The following LOC400499 variants were observed in gnomAD, a reference collection of about 807,000 sequenced individuals.
At chr16:11,504,556 C>CT in the LOC400499 span, among the ~76,000 whole-genome samples, 2 of 150,424 alleles carry the variant, frequency 1.3e-5, no homozygotes, top group African/African-American at 2.5e-5. Flanking sequence ...ACTCCGTCCC[C>CT]CCCCCCAAAA....
the LOC400499 span, among the ~76,000 whole-genome samples, chr16:11,498,497 T>TTAAG: frequency 5.4e-5 from 1 of 18,620 alleles, no homozygotes; most frequent in Non-Finnish European, 1.3e-4. Context: ...ATAATAATGA[T>TTAAG]TAAATAATTA....
the LOC400499 span, chr16:11,411,181 C>T: frequency 5.0e-6 from 2 of 399,010 alleles, no homozygotes; most frequent in Non-Finnish European, 8.8e-6. Context: ...AGGGGCCTGG[C>T]CCCCTCCTGC....
the LOC400499 span, chr16:11,472,471 G>A: frequency 6.6e-6 from 1 of 152,140 alleles, no homozygotes; most frequent in Non-Finnish European, 1.5e-5. Context: ...GTGATTACAG[G>A]CGTGAGCTAC....
chr16:11,510,442 C>G, the LOC400499 span, among the ~76,000 whole-genome samples: 3 of 151,796 alleles, frequency 2.0e-5, no homozygotes, highest in African/African-American at 7.3e-5. Context: ...TGCATCTTCC[C>G]AAAGCTGACC....
the LOC400499 span, among the ~76,000 whole-genome samples, chr16:11,481,817 T>C: frequency 0.02 from 3,005 of 152,028 alleles, 95 homozygotes; most frequent in African/African-American, 0.069. Flanking sequence ...GTGTCTTTAG[T>C]AGAGACAGGG....
chr16:11,392,658 C>T, the LOC400499 span: 1 of 496,546 alleles, frequency 2.0e-6, no homozygotes, highest in African/African-American at 2.1e-5. Context: ...ACCACCTGAG[C>T]CACCTGAAGC....
At chr16:11,379,867 A>G in the LOC400499 span, among the ~76,000 whole-genome samples, 1 of 152,256 alleles carries the variant, frequency 6.6e-6, no homozygotes, top group African/African-American at 2.4e-5. Context: ...TCCTGAAGTT[A>G]GAGCAATCCA....
chr16:11,503,239 A>G, the LOC400499 span, among the ~76,000 whole-genome samples: 1 of 152,130 alleles, frequency 6.6e-6, no homozygotes, highest in East Asian at 1.9e-4. Flanking sequence ...TAATAAAAAA[A>G]TTGTTTTATA....
chr16:11,422,530 C>G, the LOC400499 span, among the ~76,000 whole-genome samples: 2 of 150,556 alleles, frequency 1.3e-5, no homozygotes, highest in Admixed American at 1.3e-4. Flanking sequence ...CGATCACTGC[C>G]TGAGCATGCA....
At chr16:11,478,211 A>G in the LOC400499 span, among the ~76,000 whole-genome samples, 1 of 149,774 alleles carries the variant, frequency 6.7e-6, no homozygotes, top group Non-Finnish European at 1.5e-5. Flanking sequence ...TGTTTTCAGT[A>G]GAGACAGGGT....
the LOC400499 span, chr16:11,450,656 T>C: frequency 6.5e-7 from 1 of 1,536,136 alleles, no homozygotes; most frequent in East Asian, 2.4e-5. Flanking sequence ...TTGCCTTCCC[T>C]GTTGGGGCCC....
the LOC400499 span, among the ~76,000 whole-genome samples, chr16:11,421,039 C>T: frequency 3.9e-5 from 6 of 152,184 alleles, no homozygotes; most frequent in African/African-American, 1.2e-4. Flanking sequence ...TCCCCATCCA[C>T]CCTGGGCCAC....
the LOC400499 span, among the ~76,000 whole-genome samples, chr16:11,424,507 A>G: frequency 6.6e-6 from 1 of 152,192 alleles, no homozygotes; most frequent in Non-Finnish European, 1.5e-5. Flanking sequence ...ACTGCACCCA[A>G]TACACCAGGT....
the LOC400499 span, among the ~76,000 whole-genome samples, chr16:11,451,488 G>C: frequency 6.6e-6 from 1 of 152,080 alleles, no homozygotes; most frequent in African/African-American, 2.4e-5. Context: ...CTGAGGTGGA[G>C]GCTGCAGTGG....
At chr16:11,394,563 T>C in the LOC400499 span, among the ~76,000 whole-genome samples, 526 of 152,380 alleles carry the variant, frequency 3.5e-3, 2 homozygotes, top group African/African-American at 1.0e-2. Context: ...CTCAGATAGG[T>C]TGAAGCCCTA....
chr16:11,396,623 C>T, the LOC400499 span: 14 of 1,232,030 alleles, frequency 1.1e-5, no homozygotes, highest in African/African-American at 1.1e-4. Context: ...GCAGCGGGAA[C>T]GCAGCAGGAG....
At chr16:11,447,733 A>T in the LOC400499 span, among the ~76,000 whole-genome samples, 19 of 152,124 alleles carry the variant, frequency 1.2e-4, no homozygotes, top group African/African-American at 4.3e-4. Flanking sequence ...CTCCCACCTC[A>T]GCAACTAATG....
At chr16:11,505,448 T>TTC in the LOC400499 span, among the ~76,000 whole-genome samples, 3 of 116,480 alleles carry the variant, frequency 2.6e-5, no homozygotes, top group Admixed American at 8.2e-5. Flanking sequence ...TTCTTTTCTT[T>TTC]TTTTTTTTTT....
chr16:11,488,592 A>T, the LOC400499 span: 1 of 389,314 alleles, frequency 2.6e-6, no homozygotes, highest in Non-Finnish European at 4.5e-6. Flanking sequence ...ACTGACATGT[A>T]AATATTTGAC....
Sources: gnomAD v4.1 joint callset for allele counts (sites outside exome capture counted in the v4.1 genomes callset) on GRCh38, gnomAD v4.1.1 for gene constraint, MANE v1.5 for transcripts.